Variants in RP1L1 observed in about 807,000 individuals in gnomAD.
The protein encoded by RP1L1 is RP1 like 1.
In RP1L1, 27 loss-of-function variants were observed where a neutral mutation model predicts 15.7. That is an observed-to-expected ratio of 1.72 (90% CI 1.27 to 2.38). RP1L1 has a LOEUF of 2.38. Among genes scored for constraint, RP1L1 ranks in the 30% most tolerant of loss-of-function variants. RP1L1 has a pLI of 0.00. For synonymous variants in RP1L1, 1,813 were observed against 1,276.7 expected (o/e 1.42, Z -8.96); for missense variants, 4,798 against 3,075.9 (o/e 1.56, Z -13.24).
At chr8:10,626,463 G>A (rs1409648884) in intron 1 of RP1L1, among the ~76,000 whole-genome samples, 1 of 152,158 alleles carries the variant, frequency 6.6e-6, no homozygotes, top group Non-Finnish European at 1.5e-5. Flanking sequence ...AACAAGAGCT[G>A]CAGGCATGCA....
intron 1 of RP1L1, among the ~76,000 whole-genome samples, chr8:10,626,092 C>T (rs1384028060): frequency 6.6e-6 from 1 of 152,016 alleles, no homozygotes; most frequent in Non-Finnish European, 1.5e-5. Flanking sequence ...AGTTGACAGC[C>T]CCTGTGGAGG....
intron 1 of RP1L1, among the ~76,000 whole-genome samples, chr8:10,628,924 G>A (rs973370295): frequency 1.3e-5 from 2 of 152,230 alleles, no homozygotes; most frequent in African/African-American, 4.8e-5. Context: ...TTAATGAGAT[G>A]GCCTGGATTT....
rs746030775 is a variant in RP1L1, at chr8:10,609,571, G to A, written c.4527C>T (p.Ser1509=). The change falls in exon 4 of 4, where the codon AGC becomes AGT. Residue 1509 remains serine, a synonymous_variant. Coordinates refer to ENST00000382483, the MANE Select transcript of RP1L1 (RefSeq NM_178857.6). ...AAERSSSVAC[S]AALDCDPIWV... is the part of the protein sequence containing the mutation. ...AGATGGGGTCGCAGTCCAGAGCCGC[G>A]CTGCAGGCCACCGAAGAGCTCCTCT... is the stretch of plus-strand genomic sequence containing the variant. The A allele has an allele frequency of 5.0e-6, 8 of 1,603,494 alleles. No homozygotes were observed. Among genetic ancestry groups the A allele is most frequent in the South Asian group, 2.2e-5 (2 of 90,844 alleles).
At chr8:10,647,950 T>C (rs1391781173) in intron 1 of RP1L1, among the ~76,000 whole-genome samples, 1 of 152,200 alleles carries the variant, frequency 6.6e-6, no homozygotes, top group African/African-American at 2.4e-5. Flanking sequence ...CCATTTTATA[T>C]TCCCACCATG....
chr8:10,627,168 GGGATAC>G (rs1798171586), intron 1 of RP1L1, among the ~76,000 whole-genome samples: 1 of 152,126 alleles, frequency 6.6e-6, no homozygotes, highest in Non-Finnish European at 1.5e-5. Context: ...AGGGCTCAAA[GGGATAC>G]GTGTACACCC....
chr8:10,631,334 TGCACACACAC>T (rs1365474436), intron 1 of RP1L1, among the ~76,000 whole-genome samples: 4 of 13,336 alleles, frequency 3.0e-4, no homozygotes, highest in African/African-American at 5.2e-4. Flanking sequence ...CACACACACA[TGCACACACAC>T]GCACACACAT....
chr8:10,632,776 T>C (rs981700502), intron 1 of RP1L1, among the ~76,000 whole-genome samples: 2 of 152,108 alleles, frequency 1.3e-5, no homozygotes, highest in Admixed American at 6.5e-5. Flanking sequence ...CAGTCTGAGG[T>C]TGACTTGATA....
intron 3 of RP1L1, among the ~76,000 whole-genome samples, chr8:10,615,643 C>G (rs576284867): frequency 6.6e-6 from 1 of 152,182 alleles, no homozygotes; most frequent in Non-Finnish European, 1.5e-5. Flanking sequence ...ATCCTCCCCC[C>G]TCAGCCTCCT....
Position 10,608,196 on chromosome 8 carries a change from C to G in RP1L1, c.5902G>C (p.Glu1968Gln). The change falls in exon 4 of 4, where the codon GAG becomes CAG. Residue 1968 changes from glutamate to glutamine, a missense_variant. Transcript: ENST00000382483. Reference protein sequence around the residue: ...SEVIESQEAEEEAQPESEDVE... With the variant: ...SEVIESQEAEQEAQPESEDVE... ...TCTTCTGACTCTGGCTGGGCTTCCT[C>G]TTCTGCCTCCTGGGACTCTATAACT... The G allele has an allele frequency of 6.2e-7, 1 of 1,601,454 alleles. No individual in the cohort carries two copies. The highest frequency in any genetic ancestry group is 1.1e-5 in the South Asian group (1 of 90,976).
Position 10,610,297 on chromosome 8 carries a change from G to T in RP1L1, c.3801C>A (p.Cys1267Ter), listed in dbSNP as rs777575393. 2.5e-6 allele frequency: 4 copies of T among 1,614,048 alleles called. No individual in the cohort carries two copies. Among genetic ancestry groups the T allele is most frequent in the East Asian group, 2.2e-5 (1 of 44,890 alleles). Residue 1267 changes from cysteine to a stop codon, truncating the protein, a stop_gained, in exon 4 of 4, where the codon TGC becomes TGA. Coordinates refer to ENST00000382483, the MANE Select transcript of RP1L1 (RefSeq NM_178857.6). LOFTEE classifies it low-confidence loss of function (END_TRUNC). ...CFPTFLNARA[C>*]ACATNEDEAE... ...CTTCATCCTCATTGGTGGCACAAGC[G>T]CAGGCTCGGGCGTTCAAGAAGGTTG...
intron 2 of RP1L1, among the ~76,000 whole-genome samples, chr8:10,620,030 G>A (rs1288940070): frequency 6.6e-6 from 1 of 151,342 alleles, no homozygotes; most frequent in Non-Finnish European, 1.5e-5. Flanking sequence ...GGCTGATACA[G>A]TGATATGTGC....
In RP1L1 at chr8:10,607,314, A is replaced by G. The variant is rs1210083743; in HGVS notation, c.6784T>C (p.Ser2262Pro). The G allele has an allele frequency of 6.2e-7, 1 of 1,614,160 alleles. No individual in the cohort carries two copies. Among genetic ancestry groups the G allele is most frequent in the African/African-American group, 1.3e-5 (1 of 75,042 alleles). The change falls in exon 4 of 4, where the codon TCT becomes CCT. Residue 2262 changes from serine (S) to proline (P), a missense_variant. Transcript: ENST00000382483. ...CTGCTGCTTTCAGAAGCCTCCTCAGATTGGCCATCTCCTAGACTGACCTGA... is the reference window on the plus strand; with the variant it reads ...CTGCTGCTTTCAGAAGCCTCCTCAGGTTGGCCATCTCCTAGACTGACCTGA... The part of the protein sequence containing the change: ...SPQVSLGDGQ[S>P]EEASESSSPV...
In RP1L1 at chr8:10,612,399, C is replaced by G; in HGVS notation, c.1699G>C (p.Glu567Gln). 1 of 1,612,840 alleles carries G rather than the reference C, an allele frequency of 6.2e-7. No individual in the cohort carries two copies. The highest frequency in any genetic ancestry group is 8.5e-7 in the Non-Finnish European group (1 of 1,180,020). Residue 567 changes from glutamate (E) to glutamine (Q), a missense_variant, in exon 4 of 4, where the codon GAG (glutamate) becomes CAG (glutamine). Glu to Gln is a conservative substitution (Grantham distance 29, BLOSUM62 2). Coordinates refer to ENST00000382483, the MANE Select transcript of RP1L1 (RefSeq NM_178857.6). ...GKARAETSQQEASEGGDPASP... is the reference protein window; with the variant it reads ...GKARAETSQQQASEGGDPASP... ...GCGGGGTCGCCTCCCTCGCTGGCCT[C>G]CTGCTGAGAGGTCTCGGCCCTTGCC...
intron 1 of RP1L1, among the ~76,000 whole-genome samples, chr8:10,643,298 C>G (rs1049849691): frequency 2.6e-5 from 4 of 152,160 alleles, no homozygotes; most frequent in Non-Finnish European, 5.9e-5. Flanking sequence ...CATGATCACA[C>G]TACTGCACTA....
rs779067375 is a variant in RP1L1 at position 10,623,063 on chromosome 8, C to A, written c.139G>T (p.Ala47Ser). 1.2e-6 allele frequency: 2 copies of A among 1,614,128 alleles called. No individual in the cohort carries two copies. The highest frequency in any genetic ancestry group is 1.1e-5 in the South Asian group (1 of 91,084). The change falls in exon 2 of 4, where the codon GCT (alanine) becomes TCT (serine). Residue 47 changes from alanine (A) to serine (S), a missense_variant. By Grantham distance (99) the Ala-to-Ser change is moderately conservative. Transcript: ENST00000382483. ...TGGTGAACGGCCAGGCGGACCCCAG[C>A]AAACCGTGGATCCCCTCGCTTGAGG... ...TFLKRGDPRF[A>S]GVRLAVHQRA...
At chr8:10,631,709 G>T (rs370506470) in intron 1 of RP1L1, among the ~76,000 whole-genome samples, 21 of 152,292 alleles carry the variant, frequency 1.4e-4, no homozygotes, top group African/African-American at 4.8e-4. Context: ...CAAGCGCTGG[G>T]TTCTCTCTGC....
chr8:10,642,935 T>C (rs2117259468), intron 1 of RP1L1, among the ~76,000 whole-genome samples: 1 of 152,326 alleles, frequency 6.6e-6, no homozygotes, highest in Middle Eastern at 3.4e-3. Flanking sequence ...TTAAGTGTTT[T>C]GAAAAATTTT....
In RP1L1 at chr8:10,650,195, C is replaced by A. The variant is rs371501650; in HGVS notation, c.-20+4703G>T. Among the ~76,000 whole-genome samples the A allele has an allele frequency of 1.5e-4, 23 of 152,286 alleles. No homozygotes were observed. In the East Asian group the frequency reaches 3.1e-3, roughly 20 times the overall value. On this transcript the variant is annotated intron_variant, in intron 1 of 3. Transcript: ENST00000382483. ...ATCATGAGGAGAAAGCCAAGAGAAT[C>A]CCAGAGTCTCTACTCATGAAGCCAG...
chr8:10,609,176 G>T lies in RP1L1; in HGVS notation c.4922C>A (p.Thr1641Lys). ...CTCGCCCAGCTGGCTCCCCAGGGCT[G>T]TGCTGAGGGCTGGCTCGTCCTCCAG... ...FTLEDEPALSTALGSQLGEEA... is the reference protein window; with the variant it reads ...FTLEDEPALSKALGSQLGEEA... Residue 1641 changes from threonine (T) to lysine (K), a missense_variant, in exon 4 of 4, where the codon ACA (threonine) becomes AAA (lysine). Transcript: ENST00000382483. 2 of 1,612,388 alleles carry T rather than the reference G, an allele frequency of 1.2e-6. No homozygotes were observed. The highest frequency in any genetic ancestry group is 1.7e-6 in the Non-Finnish European group (2 of 1,179,546).
Sources: gnomAD v4.1 joint callset for allele counts (sites outside exome capture counted in the v4.1 genomes callset) on GRCh38, gnomAD v4.1.1 for gene constraint, MANE v1.5 for transcripts, NCBI Gene and HGNC (gene_info 2026-07-23, HGNC 2026-07-21) for gene names.